The following CHCHD3 variants were observed in gnomAD, a reference collection of about 807,000 sequenced individuals.
CHCHD3 encodes coiled-coil-helix-coiled-coil-helix domain containing 3.
A neutral mutation model predicts 38.2 loss-of-function variants in CHCHD3; 20 were observed. That is an observed-to-expected ratio of 0.52 (90% CI 0.37 to 0.76). The LOEUF (loss-of-function observed/expected upper bound fraction) is 0.76. CHCHD3 is among the 30% of genes least tolerant of loss of function. The probability of loss-of-function intolerance (pLI) is 0.00; values close to 1 mark genes in which losing one functional copy is unlikely to be tolerated. For missense variants in CHCHD3, 245 were observed against 279.2 expected (o/e 0.88, Z 0.87); for synonymous variants, 82 against 100.0 (o/e 0.82, Z 1.07).
At position 132,838,488 on chromosome 7, in the gene CHCHD3, A is replaced by T; in HGVS notation, c.454-19T>A. On this transcript the variant is annotated intron_variant, in intron 5 of 7. Coordinates refer to ENST00000262570, the MANE Select transcript of CHCHD3 (RefSeq NM_017812.4). ...CTGAGCTCTGTGGACAAAGATTGAT[A>T]GCAAAGGTTTCACTATCCAAGATGA... 1 of 1,575,266 alleles carries T rather than the reference A, an allele frequency of 6.3e-7. No individual in the cohort carries two copies. The highest frequency in any genetic ancestry group is 8.7e-7 in the Non-Finnish European group (1 of 1,148,594).
At chr7:133,014,485 C>T (rs773381604) in intron 3 of CHCHD3, among the ~76,000 whole-genome samples, 4 of 152,080 alleles carry the variant, frequency 2.6e-5, no homozygotes, top group East Asian at 1.9e-4. Context: ...CTAGTTCCAA[C>T]GGCAAATTGT....
intron 6 of CHCHD3, among the ~76,000 whole-genome samples, chr7:132,831,649 T>A (rs1807654564): frequency 6.6e-6 from 1 of 152,170 alleles, no homozygotes; most frequent in Admixed American, 6.6e-5. Context: ...ATTAAAAGTT[T>A]AAGAAGAAAG....
At chr7:132,797,313 C>G (rs1235386441) in intron 6 of CHCHD3, among the ~76,000 whole-genome samples, 1 of 152,172 alleles carries the variant, frequency 6.6e-6, no homozygotes, top group Non-Finnish European at 1.5e-5. Context: ...CAAACTCCCA[C>G]CTATGCCTCT....
At chr7:132,887,893 C>G (rs1414596953) in intron 4 of CHCHD3, among the ~76,000 whole-genome samples, 1 of 151,684 alleles carries the variant, frequency 6.6e-6, no homozygotes, top group Non-Finnish European at 1.5e-5. Flanking sequence ...ATAAAATTAA[C>G]AAGTCTTTAA....
chr7:132,787,023 C>G (rs1439673719), intron 7 of CHCHD3, among the ~76,000 whole-genome samples: 1 of 152,072 alleles, frequency 6.6e-6, no homozygotes, highest in Non-Finnish European at 1.5e-5. Context: ...GGACCTTCCA[C>G]CATGGAGAGA....
Position 132,986,178 on chromosome 7 carries a change from G to C in CHCHD3, c.252-10892C>G, listed in dbSNP as rs536669968. 7.5e-4 allele frequency among the ~76,000 whole-genome samples: 112 copies of C among 150,256 alleles called. No individual in the cohort carries two copies. In the South Asian group the frequency reaches 0.023, roughly 31 times the overall value. ...ATGGATTAAGGGTGGTGCAAGATGT[G>C]CTTTGTTAAACAGATGCTTGAAGGC... is the stretch of plus-strand genomic sequence containing the variant. On this transcript the variant is annotated intron_variant, in intron 3 of 7. Coordinates refer to ENST00000262570, the MANE Select transcript of CHCHD3 (RefSeq NM_017812.4).
chr7:132,813,116 A>G (rs1441189219), intron 6 of CHCHD3, among the ~76,000 whole-genome samples: 2 of 152,180 alleles, frequency 1.3e-5, no homozygotes, highest in Non-Finnish European at 2.9e-5. Flanking sequence ...AGTGCTTGTC[A>G]CATCTGCCAA....
rs1022548497 is a variant in CHCHD3, at chr7:132,945,631, G to A, written c.369+29538C>T. ...TAAGCTGATAAGGTAACATTACTAC[G>A]AGTTAGTGGTCATTTGTGCAACCCA... On this transcript the variant is annotated intron_variant, in intron 4 of 7. Coordinates refer to ENST00000262570, the MANE Select transcript of CHCHD3 (RefSeq NM_017812.4). Among the ~76,000 whole-genome samples, 7 of 151,932 alleles carry A rather than the reference G, an allele frequency of 4.6e-5. No individual in the cohort carries two copies. The East Asian group carries it at 1.2e-3, about 25-fold the overall frequency.
At chr7:132,996,572 G>A (rs1172869692) in intron 3 of CHCHD3, among the ~76,000 whole-genome samples, 1 of 152,236 alleles carries the variant, frequency 6.6e-6, no homozygotes, top group African/African-American at 2.4e-5. Context: ...TCCCTTCAGA[G>A]TTGCTAAAAT....
intron 6 of CHCHD3, among the ~76,000 whole-genome samples, chr7:132,800,357 C>T (rs1428996320): frequency 6.6e-6 from 1 of 152,100 alleles, no homozygotes; most frequent in Non-Finnish European, 1.5e-5. Context: ...ATTCAGAAGT[C>T]CCCTCTTAAG....
At chr7:133,047,076 C>G (rs945490194) in intron 2 of CHCHD3, among the ~76,000 whole-genome samples, 1 of 152,138 alleles carries the variant, frequency 6.6e-6, no homozygotes, top group Non-Finnish European at 1.5e-5. Context: ...AATGCTTCCA[C>G]GAGCTGCTGG....
At chr7:132,915,127 GT>G (rs1484233850) in intron 4 of CHCHD3, among the ~76,000 whole-genome samples, 1 of 149,870 alleles carries the variant, frequency 6.7e-6, no homozygotes, top group Non-Finnish European at 1.5e-5. Flanking sequence ...TGACAGAGCA[GT>G]ACTCCATCTC....
Position 132,901,200 on chromosome 7 carries a change from G to A in CHCHD3, c.370-15455C>T, listed in dbSNP as rs1017872679. Among the ~76,000 whole-genome samples the A allele has an allele frequency of 1.2e-4, 19 of 152,246 alleles. 1 individual carries two copies. In the South Asian group the frequency reaches 3.1e-3, roughly 25 times the overall value. On this transcript the variant is annotated intron_variant, in intron 4 of 7. Transcript: ENST00000262570. ...CCTTCAGCCTCTGTACAAAGCCTCCGGCTTATCTAATCAAGGAAAATAAGT... is the reference window on the plus strand; with the variant it reads ...CCTTCAGCCTCTGTACAAAGCCTCCAGCTTATCTAATCAAGGAAAATAAGT...
chr7:132,921,401 T>C (rs1176077258), intron 4 of CHCHD3, among the ~76,000 whole-genome samples: 1 of 152,172 alleles, frequency 6.6e-6, no homozygotes, highest in Non-Finnish European at 1.5e-5. Flanking sequence ...AAATTCCAAG[T>C]ACTGGGACAA....
chr7:132,857,699 C>T (rs922307956), intron 5 of CHCHD3, among the ~76,000 whole-genome samples: 2 of 152,022 alleles, frequency 1.3e-5, no homozygotes, highest in Non-Finnish European at 2.9e-5. Context: ...TGAGCCGCTG[C>T]GCCTGGCCTA....
At chr7:132,943,885 C>G (rs1810834085) in intron 4 of CHCHD3, among the ~76,000 whole-genome samples, 1 of 152,096 alleles carries the variant, frequency 6.6e-6, no homozygotes, top group Admixed American at 6.6e-5. Context: ...ATCTTCCTCA[C>G]TTTCAAACTG....
intron 5 of CHCHD3, among the ~76,000 whole-genome samples, chr7:132,874,513 G>A (rs7795598): frequency 0.72 from 108,737 of 151,986 alleles, 38,982 homozygotes; most frequent in African/African-American, 0.75. Context: ...AAGATTTGTA[G>A]AGATCCACAG....
chr7:133,075,145 G>A (rs908464664), intron 1 of CHCHD3, among the ~76,000 whole-genome samples: 1 of 152,030 alleles, frequency 6.6e-6, no homozygotes, highest in Admixed American at 6.6e-5. Flanking sequence ...CTAATTTCTT[G>A]TTAACTTTTT....
intron 4 of CHCHD3, among the ~76,000 whole-genome samples, chr7:132,908,936 C>T (rs547505226): frequency 6.6e-6 from 1 of 152,288 alleles, no homozygotes; most frequent in East Asian, 1.9e-4. Flanking sequence ...CCCTGCAAAT[C>T]TCATCTTCAA....
Sources: gnomAD v4.1 joint callset for allele counts (sites outside exome capture counted in the v4.1 genomes callset) on GRCh38, gnomAD v4.1.1 for gene constraint, MANE v1.5 for transcripts, NCBI Gene and HGNC (gene_info 2026-07-23, HGNC 2026-07-21) for gene names.